The following MBOAT1 variants were observed in gnomAD, a reference collection of about 807,000 sequenced individuals.
The protein encoded by MBOAT1 is membrane-bound glycerophospholipid O-acyltransferase 1.
MBOAT1 carries 67 observed loss-of-function variants against 64.4 expected under a neutral mutation model. The observed-to-expected ratio is 1.04, with a 90% CI of 0.85 to 1.27. The LOEUF (loss-of-function observed/expected upper bound fraction) is 1.27. Ranked by LOEUF, MBOAT1 falls within the 50% of genes most tolerant of loss-of-function variation. The probability of loss-of-function intolerance (pLI) is 0.00; values close to 1 mark genes in which losing one functional copy is unlikely to be tolerated. For synonymous variants in MBOAT1, 229 were observed against 218.9 expected (o/e 1.05, Z -0.41); for missense variants, 563 against 604.6 (o/e 0.93, Z 0.72).
At chr6:20,178,537 C>G (rs563758646) in intron 1 of MBOAT1, among the ~76,000 whole-genome samples, 2 of 152,186 alleles carry the variant, frequency 1.3e-5, no homozygotes, top group African/African-American at 4.8e-5. Flanking sequence ...GTTGCTATGG[C>G]TACCAAGTTC....
At chr6:20,193,697 C>A (rs1011828894) in intron 1 of MBOAT1, among the ~76,000 whole-genome samples, 1 of 151,246 alleles carries the variant, frequency 6.6e-6, no homozygotes, top group Non-Finnish European at 1.5e-5. Context: ...ACCTCTGCCT[C>A]CCGAGTTCAA....
rs9368152 is a variant in MBOAT1, at chr6:20,123,760, A to G, written c.907+648T>C. On this transcript the variant is annotated intron_variant, in intron 8 of 12. Transcript: ENST00000324607. Reference sequence around the variant, plus strand: ...TTACATAAAACCCAGAAAAACTACAAAAAAGCCAGATCAAGGCTGGGCGTG... The same window carrying G: ...TTACATAAAACCCAGAAAAACTACAGAAAAGCCAGATCAAGGCTGGGCGTG... Among the ~76,000 whole-genome samples the G allele has an allele frequency of 2.6e-3, 396 of 152,304 alleles. 4 individuals carry two copies. In the East Asian group the frequency reaches 0.038, roughly 15 times the overall value.
intron 8 of MBOAT1, among the ~76,000 whole-genome samples, chr6:20,122,901 G>A (rs530982831): frequency 8.6e-5 from 13 of 151,986 alleles, no homozygotes; most frequent in African/African-American, 2.9e-4. Context: ...GCGTGATCTC[G>A]GCTTACAGCA....
At chr6:20,136,811 G>C (rs1342591217) in intron 4 of MBOAT1, among the ~76,000 whole-genome samples, 1 of 152,158 alleles carries the variant, frequency 6.6e-6, no homozygotes, top group Non-Finnish European at 1.5e-5. Context: ...TAATATAAAA[G>C]AGTAGAATGA....
chr6:20,138,260 A>G (rs1273736604), intron 4 of MBOAT1, among the ~76,000 whole-genome samples: 2 of 152,228 alleles, frequency 1.3e-5, no homozygotes, highest in East Asian at 3.8e-4. Context: ...CTCAGTAATC[A>G]CAGAACTGAA....
At chr6:20,145,619 G>A (rs1049141761) in intron 3 of MBOAT1, among the ~76,000 whole-genome samples, 4 of 152,192 alleles carry the variant, frequency 2.6e-5, no homozygotes, top group African/African-American at 9.7e-5. Context: ...CATGCAAGGT[G>A]CTTCACACGC....
At chr6:20,163,991 A>C (rs530261408) in intron 1 of MBOAT1, among the ~76,000 whole-genome samples, 2 of 152,176 alleles carry the variant, frequency 1.3e-5, no homozygotes, top group African/African-American at 4.8e-5. Flanking sequence ...ATACAGATAG[A>C]GATCACTACC....
chr6:20,211,887 A>G (rs934276898), intron 1 of MBOAT1, among the ~76,000 whole-genome samples: 4 of 152,116 alleles, frequency 2.6e-5, no homozygotes, highest in African/African-American at 9.7e-5. Context: ...AAAAAAGTTC[A>G]GTAGAACTTG....
chr6:20,144,930 T>G (rs1761287551), intron 3 of MBOAT1, among the ~76,000 whole-genome samples: 1 of 152,126 alleles, frequency 6.6e-6, no homozygotes, highest in African/African-American at 2.4e-5. Context: ...AATTACCACT[T>G]ACTCATGAGC....
In MBOAT1 at chr6:20,184,361, C is replaced by T. The variant is rs1349736644; in HGVS notation, c.99+27775G>A. ...TTGGTGAGGGGGGACAGGTGGAGGA[C>T]GGGACACTAAGGTAATGTCATGTCA... On this transcript the variant is annotated intron_variant, in intron 1 of 12. Coordinates refer to ENST00000324607, the MANE Select transcript of MBOAT1 (RefSeq NM_001080480.3). Among the ~76,000 whole-genome samples, 8 of 151,730 alleles carry T rather than the reference C, an allele frequency of 5.3e-5. No homozygotes were observed. The East Asian group carries it at 1.2e-3, about 22-fold the overall frequency.
intron 1 of MBOAT1, among the ~76,000 whole-genome samples, chr6:20,178,890 A>T (rs556176660): frequency 5.3e-4 from 80 of 152,236 alleles, no homozygotes; most frequent in African/African-American, 1.9e-3. Flanking sequence ...TTAATGATCC[A>T]TAAAATTCTA....
chr6:20,206,362 T>G (rs1763266611), intron 1 of MBOAT1, among the ~76,000 whole-genome samples: 1 of 152,120 alleles, frequency 6.6e-6, no homozygotes, highest in Non-Finnish European at 1.5e-5. Context: ...TTAGTAAAGA[T>G]GGGGTTTCGC....
intron 9 of MBOAT1, among the ~76,000 whole-genome samples, chr6:20,116,859 G>A (rs1201810729): frequency 5.9e-5 from 9 of 152,250 alleles, no homozygotes; most frequent in Middle Eastern, 3.4e-3. Context: ...GTAGGCAGCC[G>A]AAGGTCAAGG....
At chr6:20,180,222 C>T (rs1762472191) in intron 1 of MBOAT1, among the ~76,000 whole-genome samples, 1 of 152,158 alleles carries the variant, frequency 6.6e-6, no homozygotes, top group Admixed American at 6.5e-5. Flanking sequence ...CATTACTAGC[C>T]TGGCTCTTCT....
chr6:20,162,928 G>A (rs894214367), intron 1 of MBOAT1, among the ~76,000 whole-genome samples: 2 of 152,182 alleles, frequency 1.3e-5, no homozygotes, highest in Admixed American at 6.5e-5. Context: ...TCTAGAATGG[G>A]ATAATCCCTC....
At chr6:20,169,384 T>C (rs1350757603) in intron 1 of MBOAT1, among the ~76,000 whole-genome samples, 1 of 152,200 alleles carries the variant, frequency 6.6e-6, no homozygotes, top group Non-Finnish European at 1.5e-5. Context: ...CAGGCTGGGA[T>C]ACAGCACAAT....
At chr6:20,182,044 A>T (rs1219534739) in intron 1 of MBOAT1, among the ~76,000 whole-genome samples, 1 of 152,166 alleles carries the variant, frequency 6.6e-6, no homozygotes, top group African/African-American at 2.4e-5. Flanking sequence ...AATTGCTCAA[A>T]TTCCTTGGTT....
At chr6:20,196,183 G>A (rs1762950181) in intron 1 of MBOAT1, among the ~76,000 whole-genome samples, 1 of 152,200 alleles carries the variant, frequency 6.6e-6, no homozygotes, top group South Asian at 2.1e-4. Context: ...CAATTTAAGT[G>A]AGCCTGGATT....
intron 9 of MBOAT1, among the ~76,000 whole-genome samples, chr6:20,117,208 C>T (rs1445446544): frequency 6.6e-6 from 1 of 152,282 alleles, no homozygotes; most frequent in Non-Finnish European, 1.5e-5. Flanking sequence ...CAGCATCTGC[C>T]AAGGCTTTCC....
Sources: allele counts gnomAD v4.1 joint callset (sites outside exome capture counted in the v4.1 genomes callset), GRCh38; gene constraint gnomAD v4.1.1; transcripts MANE v1.5; gene names NCBI Gene and HGNC (gene_info 2026-07-23, HGNC 2026-07-21).